The following LOC128125822 variants were observed in gnomAD, a reference collection of about 807,000 sequenced individuals.
At chr6:63,576,910 G>A in the LOC128125822 span, 1 of 1,613,574 alleles carries the variant, frequency 6.2e-7, no homozygotes, top group South Asian at 1.1e-5. Flanking sequence ...CAGCTCCTGT[G>A]GAAGTCACAT....
At chr6:63,576,703 T>C in the LOC128125822 span, 1 of 612,348 alleles carries the variant, frequency 1.6e-6, no homozygotes, top group East Asian at 2.8e-5. Context: ...GATTGAAGAA[T>C]TGCTGCTTCT....
the LOC128125822 span, chr6:63,572,512 G>A: frequency 5.1e-6 from 2 of 391,278 alleles, no homozygotes; most frequent in Admixed American, 8.9e-5. Flanking sequence ...CTTCGGCTGC[G>A]GGCCGGCTCG....
chr6:63,572,862 C>T, the LOC128125822 span: 4 of 390,806 alleles, frequency 1.0e-5, no homozygotes, highest in Non-Finnish European at 1.8e-5. Flanking sequence ...TGGGAGCGGG[C>T]GGGTTATGGC....
At chr6:63,577,231 T>TGGTATGTGTCC in the LOC128125822 span, among the ~76,000 whole-genome samples, 30 of 152,362 alleles carry the variant, frequency 2.0e-4, no homozygotes, top group African/African-American at 7.0e-4. Context: ...AGTAAAACAG[T>TGGTATGTGTCC]ATAGCTCTTA....
At chr6:63,573,938 T>G in the LOC128125822 span, among the ~76,000 whole-genome samples, 1 of 152,194 alleles carries the variant, frequency 6.6e-6, no homozygotes, top group Non-Finnish European at 1.5e-5. Flanking sequence ...TAATATGTTG[T>G]TGCCTCCTGT....
chr6:63,579,363 CTCTT>C, the LOC128125822 span: 17 of 1,500,532 alleles, frequency 1.1e-5, no homozygotes, highest in Middle Eastern at 1.7e-4. Context: ...CATTTGTACT[CTCTT>C]TCATTTCCTT....
the LOC128125822 span, chr6:63,580,123 G>C: frequency 1.9e-6 from 3 of 1,613,660 alleles, no homozygotes; most frequent in Admixed American, 5.0e-5. Flanking sequence ...CTAAAATGCG[G>C]CTGCGTTTCA....
chr6:63,579,655 G>A, the LOC128125822 span, among the ~76,000 whole-genome samples: 1 of 152,190 alleles, frequency 6.6e-6, no homozygotes, highest in Non-Finnish European at 1.5e-5. Context: ...AAGGAGACCA[G>A]TTGACAATAA....
chr6:63,579,203 T>C, the LOC128125822 span: 4 of 1,530,888 alleles, frequency 2.6e-6, no homozygotes, highest in Admixed American at 7.4e-5. Context: ...GAGAAATAAA[T>C]TTACAAAGAT....
At chr6:63,580,823 A>G in the LOC128125822 span, 1 of 152,358 alleles carries the variant, frequency 6.6e-6, no homozygotes, top group East Asian at 1.9e-4. Context: ...CATTTTGAAA[A>G]TCTACGTTGT....
At chr6:63,582,694 T>C in the LOC128125822 span, 3 of 152,228 alleles carry the variant, frequency 2.0e-5, no homozygotes, top group African/African-American at 7.2e-5. Flanking sequence ...ATAATGTTGA[T>C]GTAAGTAATG....
chr6:63,572,778 C>A, the LOC128125822 span: 2 of 398,338 alleles, frequency 5.0e-6, no homozygotes, highest in Non-Finnish European at 4.4e-6. Context: ...GCCCCCCATC[C>A]CCGCTGTCGC....
the LOC128125822 span, among the ~76,000 whole-genome samples, chr6:63,577,762 G>C: frequency 1.3e-5 from 2 of 151,838 alleles, no homozygotes; most frequent in Non-Finnish European, 2.9e-5. Context: ...ATATTGGCCA[G>C]GCTGGTCTCG....
At chr6:63,576,423 T>G in the LOC128125822 span, 2 of 399,590 alleles carry the variant, frequency 5.0e-6, no homozygotes, top group East Asian at 3.6e-5. Context: ...TTCTGTCTTT[T>G]TCTTTTAAAC....
the LOC128125822 span, chr6:63,576,787 T>G: frequency 1.0e-6 from 1 of 953,676 alleles, no homozygotes. Flanking sequence ...AAGTGGAGTA[T>G]ATTGAAGTAG....
At chr6:63,580,186 C>CT in the LOC128125822 span, 5 of 1,571,926 alleles carry the variant, frequency 3.2e-6, no homozygotes, top group Non-Finnish European at 4.4e-6. Flanking sequence ...ATTGGGGTGC[C>CT]TAATGCTACT....
At chr6:63,575,707 G>A in the LOC128125822 span, among the ~76,000 whole-genome samples, 1 of 152,062 alleles carries the variant, frequency 6.6e-6, no homozygotes, top group African/African-American at 2.4e-5. Context: ...AGTTATAAAT[G>A]AGAGTTGTTT....
the LOC128125822 span, chr6:63,580,864 CAAAA>C: frequency 6.6e-6 from 1 of 152,136 alleles, no homozygotes; most frequent in African/African-American, 2.4e-5. Context: ...TGTCTTCAGA[CAAAA>C]AAGCCTTACA....
the LOC128125822 span, chr6:63,578,622 A>T: frequency 2.0e-6 from 3 of 1,468,882 alleles, no homozygotes; most frequent in Non-Finnish European, 2.7e-6. Context: ...TTAAGTCATA[A>T]ATAGACCTCA....
Sources: gnomAD v4.1 joint callset for allele counts (sites outside exome capture counted in the v4.1 genomes callset) on GRCh38, gnomAD v4.1.1 for gene constraint, MANE v1.5 for transcripts.